The following C8orf34 variants were observed in gnomAD, a reference collection of about 807,000 sequenced individuals.
C8orf34 encodes the protein chromosome 8 open reading frame 34.
A neutral mutation model predicts 68.3 loss-of-function variants in C8orf34; 65 were observed. The ratio of observed to expected loss-of-function variants is 0.95; its 90% confidence interval spans 0.78 to 1.17. The LOEUF (loss-of-function observed/expected upper bound fraction) is 1.17, where lower values mean the gene tolerates loss of function less well. Ranked by LOEUF, C8orf34 falls within the 50% of genes most tolerant of loss-of-function variation. The pLI, the probability that C8orf34 is intolerant of heterozygous loss-of-function variation, is 0.00. For synonymous variants in C8orf34, 244 were observed against 241.2 expected (o/e 1.01, Z -0.11); for missense variants, 664 against 655.4 (o/e 1.01, Z -0.14).
intron 7 of C8orf34, among the ~76,000 whole-genome samples, chr8:68,548,479 AGAT>A (rs1815959207): frequency 6.6e-6 from 1 of 151,838 alleles, no homozygotes; most frequent in Non-Finnish European, 1.5e-5. Flanking sequence ...AACAACATTG[AGAT>A]GCCACTTCCT....
At chr8:68,718,166 T>G (rs553411250) in intron 9 of C8orf34, among the ~76,000 whole-genome samples, 21 of 152,318 alleles carry the variant, frequency 1.4e-4, no homozygotes, top group African/African-American at 4.8e-4. Context: ...TTGAATTGCT[T>G]CTTCTGTGTG....
chr8:68,356,240 G>A lies in C8orf34; in HGVS notation c.327+24901G>A, dbSNP rs868718533. On this transcript the variant is annotated intron_variant, in intron 1 of 13. Coordinates refer to ENST00000518698, the MANE Select transcript of C8orf34 (RefSeq NM_052958.4). Reference sequence around the variant, plus strand: ...CTGAGAATATTCTTAGCAGTTTATGGGAGACTTTATTTTCTGGAAAATTCA... The same window carrying A: ...CTGAGAATATTCTTAGCAGTTTATGAGAGACTTTATTTTCTGGAAAATTCA... Among the ~76,000 whole-genome samples the A allele has an allele frequency of 3.9e-5, 6 of 152,076 alleles. 1 individual carries two copies. The Middle Eastern group carries it at 0.014, about 347-fold the overall frequency.
At chr8:68,514,749 T>C (rs73266567) in intron 5 of C8orf34, among the ~76,000 whole-genome samples, 26,957 of 152,160 alleles carry the variant, frequency 0.18, 5,027 homozygotes, top group African/African-American at 0.47. Context: ...GTGACTGGGC[T>C]TTTGTAGTCC....
At chr8:68,353,084 T>C (rs1343711150) in intron 1 of C8orf34, among the ~76,000 whole-genome samples, 1 of 152,048 alleles carries the variant, frequency 6.6e-6, no homozygotes, top group Non-Finnish European at 1.5e-5. Context: ...AAGTTTAAAA[T>C]AGAGTAGGGA....
intron 4 of C8orf34, among the ~76,000 whole-genome samples, chr8:68,476,619 A>T (rs1341154702): frequency 2.6e-5 from 4 of 152,182 alleles, no homozygotes; most frequent in Admixed American, 1.3e-4. Context: ...GTTGGGTTTT[A>T]TGCCCTACAG....
At chr8:68,740,564 T>C (rs1475517790) in intron 10 of C8orf34, among the ~76,000 whole-genome samples, 2 of 152,158 alleles carry the variant, frequency 1.3e-5, no homozygotes, top group East Asian at 1.9e-4. Flanking sequence ...TCAGAATGGC[T>C]ATGATTAAAA....
intron 8 of C8orf34, among the ~76,000 whole-genome samples, chr8:68,688,334 CA>C (rs1349710798): frequency 6.6e-6 from 1 of 151,886 alleles, no homozygotes; most frequent in Non-Finnish European, 1.5e-5. Flanking sequence ...TTCGCAATTG[CA>C]AAAATATGGA....
chr8:68,412,723 C>T (rs1460833352), intron 1 of C8orf34, among the ~76,000 whole-genome samples: 1 of 152,072 alleles, frequency 6.6e-6, no homozygotes, highest in Non-Finnish European at 1.5e-5. Context: ...TTACCAATAA[C>T]TCTCTCCATT....
At chr8:68,623,062 C>T (rs1161065166) in intron 7 of C8orf34, among the ~76,000 whole-genome samples, 2 of 152,190 alleles carry the variant, frequency 1.3e-5, no homozygotes, top group Non-Finnish European at 2.9e-5. Context: ...GTTGGAAGAA[C>T]ATTGCCTTTG....
chr8:68,535,936 T>G, intron 7 of C8orf34: 1 of 870,664 alleles, frequency 1.1e-6, no homozygotes, highest in Non-Finnish European at 1.4e-6. Context: ...ATATAAGATA[T>G]TTTCAAATAT....
intron 8 of C8orf34, among the ~76,000 whole-genome samples, chr8:68,702,342 C>T (rs1322131751): frequency 6.6e-6 from 1 of 152,084 alleles, no homozygotes; most frequent in African/African-American, 2.4e-5. Context: ...AGTGCATTTA[C>T]CCTATGAGGC....
intron 1 of C8orf34, among the ~76,000 whole-genome samples, chr8:68,424,177 G>T (rs1226200415): frequency 6.6e-6 from 1 of 152,040 alleles, no homozygotes; most frequent in Non-Finnish European, 1.5e-5. Context: ...AAGTCCCAGT[G>T]ATTCCAACAG....
Position 68,761,331 on chromosome 8 carries a change from A to G in C8orf34, c.1405-15068A>G, listed in dbSNP as rs78976677. Among the ~76,000 whole-genome samples the G allele has an allele frequency of 3.7e-4, 56 of 152,270 alleles. No homozygotes were observed. In the East Asian group the frequency reaches 9.9e-3, roughly 27 times the overall value. On this transcript the variant is annotated intron_variant, in intron 10 of 13. Transcript: ENST00000518698. Reference sequence around the variant, plus strand: ...AACCCCTTCTGTAGCTCACTACTGTACCTTGCCCTCAGGATTTCAGGCAAC... The same window carrying G: ...AACCCCTTCTGTAGCTCACTACTGTGCCTTGCCCTCAGGATTTCAGGCAAC...
Position 68,331,024 on chromosome 8 carries a change from C to A in C8orf34, c.12C>A (p.Pro4=). 1 of 1,449,468 alleles carries A rather than the reference C, an allele frequency of 6.9e-7. No individual in the cohort carries two copies. Among genetic ancestry groups the A allele is most frequent in the Non-Finnish European group, 9.0e-7 (1 of 1,114,248 alleles). The allele number at this position is 1,449,468 out of a possible 1,614,324, so 89.8% of individuals were successfully genotyped here. Residue 4 remains proline, a synonymous_variant, in exon 1 of 14, where the codon CCC becomes CCA. Transcript: ENST00000518698. ...GGAGAACGCGATGAATGAGTTCTCC[C>A]CTCGCCTCGGAGTTGTCTGAGTTGG... MSS[P]LASELSELAA...
chr8:68,704,262 A>G (rs1383092389), intron 8 of C8orf34, among the ~76,000 whole-genome samples: 1 of 152,164 alleles, frequency 6.6e-6, no homozygotes, highest in East Asian at 1.9e-4. Flanking sequence ...AAACCTTCAG[A>G]AAAGAGGAGA....
intron 8 of C8orf34, among the ~76,000 whole-genome samples, chr8:68,657,173 C>T (rs1190210019): frequency 2.0e-5 from 3 of 152,110 alleles, no homozygotes; most frequent in Admixed American, 6.6e-5. Flanking sequence ...ACTCCACAAA[C>T]GTATCCAAAT....
intron 3 of C8orf34, among the ~76,000 whole-genome samples, chr8:68,458,305 G>A (rs1563454688): frequency 1.3e-5 from 2 of 152,166 alleles, no homozygotes; most frequent in African/African-American, 4.8e-5. Context: ...GATTCTGTAT[G>A]TAGACTGGCC....
intron 12 of C8orf34, among the ~76,000 whole-genome samples, chr8:68,811,701 A>G (rs925512922): frequency 1.3e-5 from 2 of 152,256 alleles, no homozygotes; most frequent in African/African-American, 4.8e-5. Context: ...TACAGAAACA[A>G]ATGCATTTCT....
chr8:68,436,172 C>T (rs1191864084), intron 1 of C8orf34, among the ~76,000 whole-genome samples: 1 of 152,118 alleles, frequency 6.6e-6, no homozygotes, highest in Admixed American at 6.5e-5. Flanking sequence ...TGTGCCACTG[C>T]ACTCTATCCT....
Sources: gnomAD v4.1 joint callset for allele counts (sites outside exome capture counted in the v4.1 genomes callset) on GRCh38, gnomAD v4.1.1 for gene constraint, MANE v1.5 for transcripts, NCBI Gene and HGNC (gene_info 2026-07-23, HGNC 2026-07-21) for gene names.